Variants in RBMS3 observed in about 807,000 individuals in gnomAD.
RBMS3 encodes RNA binding motif single stranded interacting protein 3.
RBMS3 carries 27 observed loss-of-function variants against 66.8 expected under a neutral mutation model. That is an observed-to-expected ratio of 0.40 (90% confidence interval 0.30 to 0.56). RBMS3 has a LOEUF of 0.56. RBMS3 is among the 20% of genes least tolerant of loss of function. The pLI, the probability that RBMS3 is intolerant of heterozygous loss-of-function variation, is 0.40. For missense variants in RBMS3, 513 were observed against 549.5 expected, an observed-to-expected ratio of 0.93 and a Z score of 0.66; for synonymous variants, 188 against 183.0, an observed-to-expected ratio of 1.03 and a Z score of -0.22.
intron 6 of RBMS3, among the ~76,000 whole-genome samples, chr3:29,784,393 C>T (rs903755088): frequency 6.6e-6 from 1 of 152,042 alleles, no homozygotes; most frequent in South Asian, 2.1e-4. Context: ...CGCTCAAAAC[C>T]ATGCAATTAC....
chr3:29,705,373 T>G (rs1688307167), intron 4 of RBMS3, among the ~76,000 whole-genome samples: 1 of 152,212 alleles, frequency 6.6e-6, no homozygotes, highest in Non-Finnish European at 1.5e-5. Flanking sequence ...CCTCCTTTCT[T>G]TTTGCTTGTG....
intron 6 of RBMS3, among the ~76,000 whole-genome samples, chr3:29,803,704 G>T (rs1050289347): frequency 2.6e-5 from 4 of 151,876 alleles, no homozygotes; most frequent in African/African-American, 9.7e-5. Flanking sequence ...TATAATGTGT[G>T]ATGAAATATA....
At chr3:29,483,106 C>T (rs1325516316) in intron 2 of RBMS3, among the ~76,000 whole-genome samples, 1 of 150,802 alleles carries the variant, frequency 6.6e-6, no homozygotes, top group Non-Finnish European at 1.5e-5. Flanking sequence ...GAGATCGAGA[C>T]CATCCTGGCT....
At chr3:29,356,083 A>G (rs771984717) in intron 1 of RBMS3, among the ~76,000 whole-genome samples, 2 of 152,176 alleles carry the variant, frequency 1.3e-5, no homozygotes, top group Non-Finnish European at 2.9e-5. Context: ...TGTTTTTGTA[A>G]GGACCACGAG....
intron 3 of RBMS3, among the ~76,000 whole-genome samples, chr3:29,565,032 G>A (rs1372517502): frequency 3.3e-5 from 5 of 152,116 alleles, no homozygotes; most frequent in African/African-American, 4.8e-5. Flanking sequence ...CAGAAATTAA[G>A]CATTCTTAGG....
In RBMS3 at chr3:29,527,181, T is replaced by TTAA. The variant is rs1491567884; in HGVS notation, c.307+38682_307+38683insTAA. 9.0e-4 allele frequency among the ~76,000 whole-genome samples: 79 copies of TTAA among 87,818 alleles called. 6 individuals are homozygous for TTAA. Among genetic ancestry groups the TTAA allele is most frequent in the African/African-American group, 2.2e-3 (47 of 21,072 alleles). The allele number at this position is 87,818 out of a possible 152,430, so 57.6% of individuals were successfully genotyped here. A position where few individuals can be genotyped will look rare whatever the true frequency, so the allele number is the denominator to read the frequency against. Reference sequence around the variant, plus strand: ...TTTCAGACGTGATTGTTAGGTAGAGTAAAAAAAAAAAAAAAAAAAAAAAAA... The same window carrying TTAA: ...TTTCAGACGTGATTGTTAGGTAGAGTTAAAAAAAAAAAAAAAAAAAAAAAAAAA... On this transcript the variant is annotated intron_variant, in intron 3 of 14. Transcript: ENST00000383767.
intron 6 of RBMS3, among the ~76,000 whole-genome samples, chr3:29,772,705 C>T (rs1256657641): frequency 6.6e-6 from 1 of 151,716 alleles, no homozygotes; most frequent in Non-Finnish European, 1.5e-5. Flanking sequence ...TGAAGACAGG[C>T]CAGGGTAATC....
chr3:29,791,865 G>C (rs1287774045), intron 6 of RBMS3, among the ~76,000 whole-genome samples: 1 of 152,050 alleles, frequency 6.6e-6, no homozygotes, highest in African/African-American at 2.4e-5. Context: ...AAAAAAACTT[G>C]AATTGCCACT....
intron 3 of RBMS3, among the ~76,000 whole-genome samples, chr3:29,517,545 G>A (rs778451874): frequency 6.6e-6 from 1 of 152,060 alleles, no homozygotes; most frequent in Non-Finnish European, 1.5e-5. Context: ...GGATGGTTTC[G>A]ATCTCCTGAC....
intron 12 of RBMS3, among the ~76,000 whole-genome samples, chr3:29,980,666 CT>C (rs1196247688): frequency 5.9e-5 from 9 of 152,162 alleles, no homozygotes; most frequent in African/African-American, 2.2e-4. Context: ...GCCAGTTTTC[CT>C]AACACCACTT....
intron 12 of RBMS3, among the ~76,000 whole-genome samples, chr3:29,964,117 C>T (rs1365555368): frequency 6.6e-6 from 1 of 152,080 alleles, no homozygotes; most frequent in Non-Finnish European, 1.5e-5. Flanking sequence ...TTATTAAAAA[C>T]CCAGTTATAT....
At chr3:29,966,254 A>G (rs766556605) in intron 12 of RBMS3, among the ~76,000 whole-genome samples, 2 of 152,136 alleles carry the variant, frequency 1.3e-5, no homozygotes, top group Non-Finnish European at 2.9e-5. Context: ...TGTGAAAATG[A>G]TGGTGGTATT....
Position 29,281,662 on chromosome 3 carries a change from G to C in RBMS3, c.-20G>C, listed in dbSNP as rs2125405699. ...CCCTGTCATCCAGTTCCCTGCCTCGGAGATAAAGATTCCAGCTACATGGGC... is the reference window on the plus strand; with the variant it reads ...CCCTGTCATCCAGTTCCCTGCCTCGCAGATAAAGATTCCAGCTACATGGGC... On this transcript the variant is annotated 5_prime_UTR_variant, in exon 1 of 15. Transcript: ENST00000383767. The C allele has an allele frequency of 6.2e-7, 1 of 1,608,058 alleles. No individual in the cohort carries two copies. The highest frequency in any genetic ancestry group is 2.2e-5 in the East Asian group (1 of 44,726).
intron 4 of RBMS3, among the ~76,000 whole-genome samples, chr3:29,702,369 G>A (rs1014426464): frequency 6.6e-6 from 1 of 152,176 alleles, no homozygotes; most frequent in African/African-American, 2.4e-5. Context: ...AGACCAATCA[G>A]CTCTCTGTTA....
chr3:29,747,234 A>G (rs529639454), intron 5 of RBMS3, among the ~76,000 whole-genome samples: 1 of 152,282 alleles, frequency 6.6e-6, no homozygotes, highest in Non-Finnish European at 1.5e-5. Context: ...CTGTATCTCT[A>G]TGGTTATAAA....
chr3:29,701,868 C>A (rs945030425), intron 4 of RBMS3, among the ~76,000 whole-genome samples: 8 of 147,506 alleles, frequency 5.4e-5, no homozygotes, highest in South Asian at 2.1e-4. Flanking sequence ...GGAGCCCCAC[C>A]CCCTGCTCCA....
intron 2 of RBMS3, among the ~76,000 whole-genome samples, chr3:29,440,274 T>G (rs1357090731): frequency 6.6e-6 from 1 of 152,206 alleles, no homozygotes; most frequent in Non-Finnish European, 1.5e-5. Flanking sequence ...CTTATAAATT[T>G]GATTTAATAC....
intron 3 of RBMS3, among the ~76,000 whole-genome samples, chr3:29,499,181 A>T (rs1427459985): frequency 6.6e-6 from 1 of 152,170 alleles, no homozygotes; most frequent in East Asian, 1.9e-4. Flanking sequence ...ATGCCTAAAG[A>T]TTCTTGACTC....
intron 1 of RBMS3, among the ~76,000 whole-genome samples, chr3:29,433,782 T>A (rs2041296339): frequency 6.6e-6 from 1 of 152,238 alleles, no homozygotes; most frequent in Admixed American, 6.5e-5. Flanking sequence ...TGTATAATTT[T>A]AAAAACCCTC....
Sources: allele counts gnomAD v4.1 joint callset (sites outside exome capture counted in the v4.1 genomes callset), GRCh38; gene constraint gnomAD v4.1.1; transcripts MANE v1.5; gene names NCBI Gene and HGNC (gene_info 2026-07-23, HGNC 2026-07-21).